Variants in COL17A1 observed in about 807,000 individuals in gnomAD.
COL17A1 encodes collagen alpha-1(XVII) chain.
In COL17A1, 181 loss-of-function variants were observed where a neutral mutation model predicts 218.4. The observed-to-expected ratio is 0.83, with a 90% CI of 0.73 to 0.94. The LOEUF (loss-of-function observed/expected upper bound fraction) is 0.94, where lower values mean the gene tolerates loss of function less well. Ranked by LOEUF, COL17A1 falls within the 40% of genes least tolerant of loss-of-function variation. The pLI is 0.00. For synonymous variants in COL17A1, 721 were observed against 731.0 expected, an observed-to-expected ratio of 0.99 and a Z score of 0.22; for missense variants, 1,924 against 1,945.9, an observed-to-expected ratio of 0.99 and a Z score of 0.21.
intron 11 of COL17A1, 132 bp downstream of exon 11, chr10:104,063,615 C>T (rs1359736865): frequency 7.1e-7 from 1 of 1,402,508 alleles, no homozygotes; most frequent in African/African-American, 1.4e-5. Flanking sequence ...AAGGCAGGTT[C>T]TGTGCAACCC....
At chr10:104,034,794 T>C (rs1341385373) in intron 50 of COL17A1, 27 bp from the exon 51 acceptor site, 1 of 1,608,066 alleles carries the variant, frequency 6.2e-7, no homozygotes, top group Admixed American at 1.7e-5. Flanking sequence ...GAAAGAAAGG[T>C]CGGGGTAGTG....
chr10:104,062,328 C>T lies in COL17A1; in HGVS notation c.840G>A (p.Val280=), dbSNP rs2134631414. The T allele has an allele frequency of 6.2e-7, 1 of 1,614,208 alleles. No homozygotes were observed. The highest frequency in any genetic ancestry group is 1.1e-5 in the South Asian group (1 of 91,080). The change falls in exon 12 of 56, where the codon GTG becomes GTA. Residue 280 remains valine, a splice_region_variant and synonymous_variant. Transcript: ENST00000648076. ...GGGCCAGATTGTTCTGCATGCCAAA[C>T]ACTGTGAAAGCAACCAAGGTCAGGT... ...LHPGLSTSSS[V]FGMQNNLAPS...
At chr10:104,069,337 A>G (rs2086651559) in intron 9 of COL17A1, among the ~76,000 whole-genome samples, 1 of 152,202 alleles carries the variant, frequency 6.6e-6, no homozygotes, top group Non-Finnish European at 1.5e-5. Flanking sequence ...TTGATAAAAA[A>G]TATTAATTCG....
chr10:104,034,712 A>C lies in COL17A1; in HGVS notation c.3675T>G (p.Pro1225=). 1 of 1,611,392 alleles carries C rather than the reference A, an allele frequency of 6.2e-7. No homozygotes were observed. The highest frequency in any genetic ancestry group is 8.5e-7 in the Non-Finnish European group (1 of 1,179,232). Residue 1225 remains proline (P), a synonymous_variant, in exon 51 of 56, where the codon CCT becomes CCG. Coordinates refer to ENST00000648076, the MANE Select transcript of COL17A1 (RefSeq NM_000494.4). The part of the protein sequence containing the change: ...GPPGPPGPPG[P]RGPPGVSGAL... The stretch of plus-strand genomic sequence containing the variant: ...CTCCTGAGACACCCGGGGGCCCTCG[A>C]GGCCCTGGGGGACCAGGAGGTCCTG...
At chr10:104,056,310 C>A (rs137953406) in intron 17 of COL17A1, among the ~76,000 whole-genome samples, 1 of 152,206 alleles carries the variant, frequency 6.6e-6, no homozygotes, top group East Asian at 1.9e-4. Flanking sequence ...TGGCCAGGCG[C>A]GGTGGCTCAA....
At chr10:104,054,159 G>T in intron 20 of COL17A1, 41 bp from the exon 21 acceptor site, 1 of 1,588,086 alleles carries the variant, frequency 6.3e-7, no homozygotes, top group Non-Finnish European at 8.6e-7. Context: ...TCAGCCAGAA[G>T]ACTGTGCCCA....
chr10:104,057,492 G>A (rs1025080996), intron 16 of COL17A1, among the ~76,000 whole-genome samples: 2 of 32,850 alleles, frequency 6.1e-5, no homozygotes, highest in Non-Finnish European at 3.1e-4. Flanking sequence ...GACAAGGAAT[G>A]TAAAATAGTA....
At chr10:104,040,089 A>G (rs2086343432) in intron 40 of COL17A1, 90 bp from the exon 41 acceptor site, 11 of 1,430,142 alleles carry the variant, frequency 7.7e-6, no homozygotes, top group South Asian at 3.4e-5. Context: ...AGGGGCTCCA[A>G]TGCTAGAGCA....
chr10:104,065,611 C>T (rs535464857), intron 9 of COL17A1, among the ~76,000 whole-genome samples: 4 of 152,314 alleles, frequency 2.6e-5, no homozygotes, highest in East Asian at 1.9e-4. Flanking sequence ...AATGAATACA[C>T]GAAAACTCTA....
intron 8 of COL17A1, among the ~76,000 whole-genome samples, chr10:104,071,129 A>G (rs539841998): frequency 3.0e-4 from 46 of 152,328 alleles, no homozygotes; most frequent in African/African-American, 1.1e-3. Context: ...TGCCTCCCAT[A>G]CAGGAAGCAG....
At chr10:104,059,988 G>T in intron 14 of COL17A1, 131 bp downstream of exon 14, 2 of 1,455,804 alleles carry the variant, frequency 1.4e-6, no homozygotes, top group Non-Finnish European at 1.9e-6. Flanking sequence ...ATTCAGACAG[G>T]TGCTTTTCAT....
chr10:104,070,689 A>T (rs2086662216), intron 8 of COL17A1, 120 bp from the exon 9 acceptor site: 1 of 1,599,626 alleles, frequency 6.3e-7, no homozygotes, highest in Non-Finnish European at 8.5e-7. Flanking sequence ...TGCCTCACAC[A>T]TTGGAACTTT....
At chr10:104,040,503 A>G (rs2086347583) in intron 39 of COL17A1, 93 bp from the exon 40 acceptor site, 2 of 769,700 alleles carry the variant, frequency 2.6e-6, no homozygotes, top group South Asian at 1.4e-5. Context: ...TGCTCAATCA[A>G]TACTTGTCAA....
intron 4 of COL17A1, among the ~76,000 whole-genome samples, chr10:104,076,632 G>T (rs2086713487): frequency 6.6e-6 from 1 of 152,176 alleles, no homozygotes; most frequent in Non-Finnish European, 1.5e-5. Context: ...TCCTGTGCAT[G>T]GTTACCATGC....
intron 13 of COL17A1, 97 bp from the exon 14 acceptor site, chr10:104,060,377 G>T (rs2086572436): frequency 6.5e-7 from 1 of 1,537,562 alleles, no homozygotes; most frequent in Non-Finnish European, 8.8e-7. Flanking sequence ...AAGAGAAGGA[G>T]GAGGGAGGTA....
rs757265903 is a variant in COL17A1, at chr10:104,080,691, G to GA, written c.-11-8dup. 6.2e-7 allele frequency: 1 copy of GA among 1,612,882 alleles called. No homozygotes were observed. The highest frequency in any genetic ancestry group is 2.2e-5 in the East Asian group (1 of 44,830). ...ACATCCATACCATAGCCACCTGCAG[G>GA]AAAAATCAGAAACCATGATAGTCAT... On this transcript the variant is annotated splice_region_variant and splice_polypyrimidine_tract_variant and intron_variant, in intron 1 of 55. Transcript: ENST00000648076.
In COL17A1 at chr10:104,058,182, T is replaced by C. The variant is rs745545154; in HGVS notation, c.1231A>G (p.Lys411Glu). The change falls in exon 16 of 56, where the codon AAG (lysine) becomes GAG (glutamate). Residue 411 changes from lysine (K) to glutamate (E), a missense_variant. Physicochemically the swap from Lys to Glu is moderately conservative, Grantham distance 56 (BLOSUM62 1). Coordinates refer to ENST00000648076, the MANE Select transcript of COL17A1 (RefSeq NM_000494.4). ...GTCTTGCCCTTTGTGGACACAGTCT[T>C]CAGGTCTCCTGAAAGGACAAACAGA... is the stretch of plus-strand genomic sequence containing the variant. ...GLKAEANGDL[K>E]TVSTKGKTTT... 6.2e-7 allele frequency: 1 copy of C among 1,614,216 alleles called. No homozygotes were observed. Among genetic ancestry groups the C allele is most frequent in the Non-Finnish European group, 8.5e-7 (1 of 1,180,036 alleles).
chr10:104,065,332 T>C (rs2086617977), intron 9 of COL17A1, among the ~76,000 whole-genome samples: 1 of 152,202 alleles, frequency 6.6e-6, no homozygotes, highest in African/African-American at 2.4e-5. Flanking sequence ...ATGTTTCCTA[T>C]CATAGTAGAT....
intron 9 of COL17A1, among the ~76,000 whole-genome samples, chr10:104,069,777 G>A (rs891227934): frequency 6.6e-6 from 1 of 151,996 alleles, no homozygotes; most frequent in South Asian, 2.1e-4. Flanking sequence ...CTGGCATCTC[G>A]GTGCTAATTA....
Sources: gnomAD v4.1 joint callset for allele counts (sites outside exome capture counted in the v4.1 genomes callset) on GRCh38, gnomAD v4.1.1 for gene constraint, MANE v1.5 for transcripts, NCBI Gene and HGNC (gene_info 2026-07-23, HGNC 2026-07-21) for gene names.